The following LRIG1 variants were observed in gnomAD, a reference collection of about 807,000 sequenced individuals.
The protein encoded by LRIG1 is leucine rich repeats and immunoglobulin like domains 1.
LRIG1 carries 48 observed loss-of-function variants against 99.2 expected under a neutral mutation model. The ratio of observed to expected loss-of-function variants is 0.48; its 90% confidence interval spans 0.38 to 0.62. The LOEUF (loss-of-function observed/expected upper bound fraction) is 0.62. Ranked by LOEUF, LRIG1 falls within the 20% of genes least tolerant of loss-of-function variation. The pLI is 0.00. For synonymous variants in LRIG1, 772 were observed against 596.1 expected (o/e 1.29, Z -4.30); for missense variants, 1,646 against 1,434.4 (o/e 1.15, Z -2.38).
rs1481283761 is a variant in LRIG1, at chr3:66,383,971, C to CACACAG, written c.2071+19_2071+20insCTGTGT. ...GCTCACACACACACACACACACACACAGTAGAGCAATAGGCAAACCTAGGA... is the reference window on the plus strand; with the variant it reads ...GCTCACACACACACACACACACACACACACAGAGTAGAGCAATAGGCAAACCTAGGA... On this transcript the variant is annotated intron_variant, in intron 14 of 18. Coordinates refer to ENST00000273261, the MANE Select transcript of LRIG1 (RefSeq NM_015541.3). The CACACAG allele has an allele frequency of 1.9e-6, 3 of 1,609,320 alleles. No homozygotes were observed. Among genetic ancestry groups the CACACAG allele is most frequent in the African/African-American group, 1.3e-5 (1 of 74,692 alleles).
At chr3:66,472,546 G>C (rs1700627341) in intron 1 of LRIG1, among the ~76,000 whole-genome samples, 1 of 152,242 alleles carries the variant, frequency 6.6e-6, no homozygotes, top group African/African-American at 2.4e-5. Context: ...AGGGCCCTGA[G>C]ATGAACCCTG....
At chr3:66,457,436 T>C (rs919455037) in intron 2 of LRIG1, among the ~76,000 whole-genome samples, 1 of 151,994 alleles carries the variant, frequency 6.6e-6, no homozygotes, top group Non-Finnish European at 1.5e-5. Flanking sequence ...GGAGTGACAC[T>C]AGGGATAGGA....
chr3:66,408,135 C>T (rs1702341908), intron 7 of LRIG1, among the ~76,000 whole-genome samples: 1 of 152,190 alleles, frequency 6.6e-6, no homozygotes. Flanking sequence ...TTCCTCCCAG[C>T]ACTCCTGCAC....
chr3:66,384,016 T>G lies in LRIG1; in HGVS notation c.2046A>C (p.Ser682=). The G allele has an allele frequency of 6.2e-7, 1 of 1,613,608 alleles. No homozygotes were observed. The highest frequency in any genetic ancestry group is 8.5e-7 in the Non-Finnish European group (1 of 1,179,774). ...CTAGGACAGTCAGGGTGGCATTAGCTGAAATAGAACCGGCTGAGTTCTGAG... is the reference window on the plus strand; with the variant it reads ...CTAGGACAGTCAGGGTGGCATTAGCGGAAATAGAACCGGCTGAGTTCTGAG... The part of the protein sequence containing the change: ...CTAQNSAGSI[S]ANATLTVLET... The change falls in exon 14 of 19, where the codon TCA becomes TCC. Residue 682 remains serine (S), a synonymous_variant. Coordinates refer to ENST00000273261, the MANE Select transcript of LRIG1 (RefSeq NM_015541.3).
chr3:66,471,750 G>C (rs1433406767), intron 1 of LRIG1, among the ~76,000 whole-genome samples: 1 of 152,196 alleles, frequency 6.6e-6, no homozygotes, highest in Non-Finnish European at 1.5e-5. Flanking sequence ...GGAAATATGG[G>C]ATGGGTAAAA....
chr3:66,450,078 G>C (rs1033372549), intron 3 of LRIG1, among the ~76,000 whole-genome samples: 1 of 152,060 alleles, frequency 6.6e-6, no homozygotes, highest in Admixed American at 6.5e-5. Context: ...CACATAAGAC[G>C]AACTCATTGA....
intron 7 of LRIG1, among the ~76,000 whole-genome samples, chr3:66,409,366 C>A (rs1316237157): frequency 2.6e-5 from 4 of 152,238 alleles, no homozygotes; most frequent in Admixed American, 2.0e-4. Flanking sequence ...TAACCCCACC[C>A]TGACATGATG....
intron 12 of LRIG1, among the ~76,000 whole-genome samples, chr3:66,390,198 G>T (rs994096041): frequency 2.4e-4 from 36 of 151,962 alleles, no homozygotes; most frequent in African/African-American, 7.7e-4. Flanking sequence ...CAAATGACAT[G>T]ATGATCACAT....
rs574696662 is a variant in LRIG1, at chr3:66,382,412, G to A, written c.2492-14C>T. 6.2e-7 allele frequency: 1 copy of A among 1,614,142 alleles called. No individual in the cohort carries two copies. Among genetic ancestry groups the A allele is most frequent in the African/African-American group, 1.3e-5 (1 of 75,058 alleles). ...CGACGGTTTCATCTGCAAGGAGACAGAACAAATAGAACACCAGGGTCTCAG... is the reference window on the plus strand; with the variant it reads ...CGACGGTTTCATCTGCAAGGAGACAAAACAAATAGAACACCAGGGTCTCAG... On this transcript the variant is annotated splice_polypyrimidine_tract_variant and intron_variant, in intron 15 of 18. Coordinates refer to ENST00000273261, the MANE Select transcript of LRIG1 (RefSeq NM_015541.3).
chr3:66,455,505 A>C (rs1462298376), intron 2 of LRIG1, among the ~76,000 whole-genome samples: 1 of 152,168 alleles, frequency 6.6e-6, no homozygotes, highest in African/African-American at 2.4e-5. Flanking sequence ...GGTCTCCACT[A>C]TTCGTTTAAC....
chr3:66,399,354 C>G (rs1458969336), intron 9 of LRIG1, among the ~76,000 whole-genome samples: 1 of 152,230 alleles, frequency 6.6e-6, no homozygotes, highest in Non-Finnish European at 1.5e-5. Flanking sequence ...TTGTCTGGCC[C>G]AGTCTCTCTC....
At chr3:66,449,291 G>C (rs1703823812) in intron 3 of LRIG1, among the ~76,000 whole-genome samples, 1 of 152,190 alleles carries the variant, frequency 6.6e-6, no homozygotes, top group Non-Finnish European at 1.5e-5. Context: ...AGGCACCTCA[G>C]AGAAAACCAA....
intron 1 of LRIG1, among the ~76,000 whole-genome samples, chr3:66,475,431 G>T (rs1462025939): frequency 6.6e-6 from 1 of 152,184 alleles, no homozygotes; most frequent in Admixed American, 6.5e-5. Flanking sequence ...GAAAAGGCAG[G>T]CACTCAGCTA....
chr3:66,480,377 G>C (rs1373877043), intron 1 of LRIG1, among the ~76,000 whole-genome samples: 1 of 151,744 alleles, frequency 6.6e-6, no homozygotes, highest in Non-Finnish European at 1.5e-5. Context: ...TAGATTAGTA[G>C]TTACGCAAAT....
chr3:66,418,259 T>G (rs952576708), intron 3 of LRIG1, among the ~76,000 whole-genome samples: 2 of 152,148 alleles, frequency 1.3e-5, no homozygotes, highest in East Asian at 3.9e-4. Context: ...ACCCAGCTAA[T>G]TTTTTAATTT....
At chr3:66,481,841 C>G (rs1388794976) in intron 1 of LRIG1, among the ~76,000 whole-genome samples, 2 of 152,238 alleles carry the variant, frequency 1.3e-5, no homozygotes, top group Non-Finnish European at 2.9e-5. Context: ...CATACAATGA[C>G]AACTCACTTT....
intron 12 of LRIG1, among the ~76,000 whole-genome samples, chr3:66,393,584 G>A (rs1359678684): frequency 6.6e-6 from 1 of 152,236 alleles, no homozygotes; most frequent in African/African-American, 2.4e-5. Context: ...GAAACAGCAA[G>A]AGTACAAGTC....
At chr3:66,465,070 G>A (rs890934176) in intron 1 of LRIG1, among the ~76,000 whole-genome samples, 1 of 152,130 alleles carries the variant, frequency 6.6e-6, no homozygotes, top group Non-Finnish European at 1.5e-5. Flanking sequence ...TCAAGTGTTA[G>A]GGTGCTACCC....
intron 1 of LRIG1, among the ~76,000 whole-genome samples, chr3:66,497,631 C>CA (rs1320987000): frequency 7.3e-6 from 1 of 136,414 alleles, no homozygotes; most frequent in Non-Finnish European, 1.5e-5. Context: ...ACTGCATTTA[C>CA]ATTCACTATT....
Sources: allele counts gnomAD v4.1 joint callset (sites outside exome capture counted in the v4.1 genomes callset), GRCh38; gene constraint gnomAD v4.1.1; transcripts MANE v1.5; gene names NCBI Gene and HGNC (gene_info 2026-07-23, HGNC 2026-07-21).